The following MARCHF1 variants were observed in gnomAD, a reference collection of about 807,000 sequenced individuals.
The protein encoded by MARCHF1 is E3 ubiquitin-protein ligase MARCHF1.
A neutral mutation model predicts 54.2 loss-of-function variants in MARCHF1; 40 were observed. The observed-to-expected ratio is 0.74, with a 90% CI of 0.57 to 0.96. MARCHF1 has a LOEUF of 0.96. Among genes scored for constraint, MARCHF1 ranks in the 40% least tolerant of loss-of-function variants. The pLI is 0.00. For missense variants in MARCHF1, 586 were observed against 656.5 expected, an observed-to-expected ratio of 0.89 and a Z score of 1.17; for synonymous variants, 236 against 236.3, an observed-to-expected ratio of 1.00 and a Z score of 0.01.
chr4:164,053,555 C>T (rs1414619707), intron 2 of MARCHF1, among the ~76,000 whole-genome samples: 1 of 152,152 alleles, frequency 6.6e-6, no homozygotes, highest in Non-Finnish European at 1.5e-5. Flanking sequence ...ACAATACTTT[C>T]CACAGGCTTC....
At chr4:164,249,068 T>A (rs1417908766) in intron 1 of MARCHF1, among the ~76,000 whole-genome samples, 1 of 152,142 alleles carries the variant, frequency 6.6e-6, no homozygotes, top group African/African-American at 2.4e-5. Context: ...TCATATCTAT[T>A]TATTTATTCA....
At chr4:163,594,078 G>A (rs1183239322) in intron 7 of MARCHF1, among the ~76,000 whole-genome samples, 1 of 152,150 alleles carries the variant, frequency 6.6e-6, no homozygotes, top group Non-Finnish European at 1.5e-5. Flanking sequence ...GTCAAGTGCT[G>A]TTGTATGCAA....
At chr4:164,308,731 C>T (rs1734763365) in intron 1 of MARCHF1, among the ~76,000 whole-genome samples, 1 of 151,920 alleles carries the variant, frequency 6.6e-6, no homozygotes, top group South Asian at 2.1e-4. Flanking sequence ...CATACTCTCA[C>T]TTATAAGTGG....
chr4:163,588,058 C>T (rs1331042371), intron 7 of MARCHF1, among the ~76,000 whole-genome samples: 1 of 152,018 alleles, frequency 6.6e-6, no homozygotes, highest in Non-Finnish European at 1.5e-5. Flanking sequence ...CAGACTACAC[C>T]AGGATTTTGA....
At chr4:164,258,730 T>A (rs922050113) in intron 1 of MARCHF1, among the ~76,000 whole-genome samples, 5 of 152,172 alleles carry the variant, frequency 3.3e-5, no homozygotes, top group African/African-American at 1.2e-4. Context: ...TGATTATACA[T>A]ATGTATTCAA....
Position 163,965,733 on chromosome 4 carries a change from T to C in MARCHF1, c.-39+22768A>G, listed in dbSNP as rs75116498. On this transcript the variant is annotated intron_variant, in intron 3 of 9. Coordinates refer to ENST00000514618, the MANE Select transcript of MARCHF1 (RefSeq NM_001394959.1). Reference sequence around the variant, plus strand: ...TATAGTTAAACCAAGTTGATCTATGTCAATTATTCCCAAATGAACAGATTC... The same window carrying C: ...TATAGTTAAACCAAGTTGATCTATGCCAATTATTCCCAAATGAACAGATTC... Among the ~76,000 whole-genome samples, 1,502 of 152,210 alleles carry C rather than the reference T, an allele frequency of 9.9e-3. 27 individuals are homozygous for C. Among genetic ancestry groups the C allele is most frequent in the African/African-American group, 0.034 (1,426 of 41,542 alleles).
At chr4:164,109,932 A>AAAC (rs1362965115) in intron 2 of MARCHF1, among the ~76,000 whole-genome samples, 1 of 150,044 alleles carries the variant, frequency 6.7e-6, no homozygotes, top group African/African-American at 2.4e-5. Flanking sequence ...AAAAAAAAAA[A>AAAC]AAAAGAAAAT....
intron 2 of MARCHF1, among the ~76,000 whole-genome samples, chr4:164,004,357 T>A (rs1753245252): frequency 6.6e-6 from 1 of 152,172 alleles, no homozygotes; most frequent in Admixed American, 6.6e-5. Context: ...ATTGTATGCA[T>A]ATCATAATAG....
At chr4:163,995,972 C>G (rs115608386) in intron 2 of MARCHF1, among the ~76,000 whole-genome samples, 1,992 of 152,060 alleles carry the variant, frequency 0.013, 21 homozygotes, top group Non-Finnish European at 0.022. Context: ...CTTTTTACTA[C>G]TGGGAATAGT....
intron 4 of MARCHF1, among the ~76,000 whole-genome samples, chr4:163,701,170 A>G (rs1478601230): frequency 6.6e-6 from 1 of 152,216 alleles, no homozygotes; most frequent in East Asian, 1.9e-4. Context: ...CGGCACTAAA[A>G]TTAGACAGTA....
intron 8 of MARCHF1, among the ~76,000 whole-genome samples, chr4:163,572,217 C>G (rs1215155375): frequency 6.6e-6 from 1 of 151,962 alleles, no homozygotes; most frequent in Non-Finnish European, 1.5e-5. Context: ...GCATCCTATC[C>G]TTCATCACTT....
At chr4:164,292,597 A>C (rs956414938) in intron 1 of MARCHF1, among the ~76,000 whole-genome samples, 3 of 152,204 alleles carry the variant, frequency 2.0e-5, no homozygotes, top group Non-Finnish European at 4.4e-5. Flanking sequence ...ACAAGGATTA[A>C]CAACAAAATC....
At chr4:163,603,859 T>C (rs1049575044) in intron 7 of MARCHF1, among the ~76,000 whole-genome samples, 2 of 152,144 alleles carry the variant, frequency 1.3e-5, no homozygotes, top group Non-Finnish European at 2.9e-5. Flanking sequence ...AATAAAGAAC[T>C]GAGCCTCTCA....
intron 2 of MARCHF1, among the ~76,000 whole-genome samples, chr4:164,083,994 T>C (rs944539932): frequency 6.6e-6 from 1 of 152,050 alleles, no homozygotes; most frequent in Non-Finnish European, 1.5e-5. Context: ...TTCTATGATA[T>C]AAAAACTCTC....
intron 1 of MARCHF1, among the ~76,000 whole-genome samples, chr4:164,128,041 A>G (rs1756222900): frequency 6.6e-6 from 1 of 152,350 alleles, no homozygotes; most frequent in East Asian, 1.9e-4. Context: ...AGACTCATCA[A>G]TATAATTCTG....
chr4:164,356,694 C>T (rs1173547390), intron 1 of MARCHF1, among the ~76,000 whole-genome samples: 2 of 122,402 alleles, frequency 1.6e-5, no homozygotes, highest in African/African-American at 5.9e-5. Flanking sequence ...AGCGCACCAG[C>T]ATGGCACATG....
chr4:163,816,025 T>C (rs924908131), intron 4 of MARCHF1, among the ~76,000 whole-genome samples: 1 of 152,236 alleles, frequency 6.6e-6, no homozygotes, highest in East Asian at 1.9e-4. Context: ...ACATTGTTTC[T>C]ATGGGTTACC....
chr4:163,887,973 G>A (rs1326958243), intron 3 of MARCHF1, among the ~76,000 whole-genome samples: 1 of 152,080 alleles, frequency 6.6e-6, no homozygotes, highest in East Asian at 1.9e-4. Context: ...ATGATATAAA[G>A]TGTGTTTTGT....
At position 163,528,549 on chromosome 4, in the gene MARCHF1, T is replaced by C. The variant is rs968018692; in HGVS notation, c.*199A>G. On this transcript the variant is annotated 3_prime_UTR_variant, in exon 10 of 10. Coordinates refer to ENST00000514618, the MANE Select transcript of MARCHF1 (RefSeq NM_001394959.1). The stretch of plus-strand genomic sequence containing the variant: ...CACATTTCCATATCATACTTTACTT[T>C]ACGCTATTACTTCATGGGCTCCTGG... 1.8e-6 allele frequency: 1 copy of C among 558,108 alleles called. No individual in the cohort carries two copies. Among genetic ancestry groups the C allele is most frequent in the African/African-American group, 1.9e-5 (1 of 52,814 alleles). The allele number at this position is 558,108 out of a possible 1,614,324, so 34.6% of individuals were successfully genotyped here. A position where few individuals can be genotyped will look rare whatever the true frequency, so the allele number is the denominator to read the frequency against.
Sources: gnomAD v4.1 joint callset for allele counts (sites outside exome capture counted in the v4.1 genomes callset) on GRCh38, gnomAD v4.1.1 for gene constraint, MANE v1.5 for transcripts, NCBI Gene and HGNC (gene_info 2026-07-23, HGNC 2026-07-21) for gene names.